The following WDR7 variants were observed in gnomAD, a reference collection of about 807,000 sequenced individuals.
WDR7 encodes the protein WD repeat-containing protein 7.
Under a neutral mutation model 169.4 loss-of-function variants are expected in WDR7, and 46 were observed. The observed-to-expected ratio is 0.27, with a 90% confidence interval of 0.21 to 0.35. The LOEUF is 0.35. Ranked by LOEUF, WDR7 falls within the 10% of genes least tolerant of loss-of-function variation. The probability of loss-of-function intolerance (pLI) is 1.00; values close to 1 mark genes in which losing one functional copy is unlikely to be tolerated. For missense variants in WDR7, 1,534 were observed against 1,859.3 expected, an observed-to-expected ratio of 0.83 and a Z score of 3.22; for synonymous variants, 612 against 666.8, an observed-to-expected ratio of 0.92 and a Z score of 1.27.
At chr18:56,950,809 A>T (rs930135509) in intron 25 of WDR7, among the ~76,000 whole-genome samples, 1 of 152,022 alleles carries the variant, frequency 6.6e-6, no homozygotes, top group African/African-American at 2.4e-5. Context: ...CCAGAAGGGG[A>T]CCTCCTTAAG....
intron 14 of WDR7, among the ~76,000 whole-genome samples, chr18:56,748,727 T>C (rs1303165684): frequency 6.6e-6 from 1 of 152,128 alleles, no homozygotes; most frequent in African/African-American, 2.4e-5. Context: ...CCATGAAGTC[T>C]TATCCTGTCT....
At chr18:56,955,825 A>C (rs529170458) in intron 25 of WDR7, among the ~76,000 whole-genome samples, 5 of 152,286 alleles carry the variant, frequency 3.3e-5, no homozygotes, top group Admixed American at 3.3e-4. Context: ...CCTGTTCCAT[A>C]TCAGGACACT....
Position 56,991,177 on chromosome 18 carries a change from C to T in WDR7, c.4164+28648C>T, listed in dbSNP as rs985361948. Among the ~76,000 whole-genome samples, 13 of 129,724 alleles carry T rather than the reference C, an allele frequency of 1.0e-4. No homozygotes were observed. The East Asian group carries it at 1.3e-3, about 13-fold the overall frequency. The allele number at this position is 129,724 out of a possible 152,430, so 85.1% of individuals were successfully genotyped here. A position where few individuals can be genotyped will look rare whatever the true frequency, so the allele number is the denominator to read the frequency against. On this transcript the variant is annotated intron_variant, in intron 26 of 27. Transcript: ENST00000254442. The stretch of plus-strand genomic sequence containing the variant: ...TTTTTTTTTTTTTGAGACGGAGTCT[C>T]GCTCTGTCGCCCAGGCTGGAGTGAA...
intron 22 of WDR7, among the ~76,000 whole-genome samples, chr18:56,925,741 C>T (rs917281956): frequency 6.6e-6 from 1 of 152,110 alleles, no homozygotes; most frequent in African/African-American, 2.4e-5. Context: ...TTGGGCATTG[C>T]CAGCGTAAAG....
intron 11 of WDR7, among the ~76,000 whole-genome samples, chr18:56,695,638 A>G (rs1457408460): frequency 6.6e-6 from 1 of 151,840 alleles, no homozygotes; most frequent in African/African-American, 2.4e-5. Flanking sequence ...CCTGAGTTCA[A>G]GCAGTTCTCC....
At chr18:56,725,869 A>C (rs1009421846) in intron 13 of WDR7, among the ~76,000 whole-genome samples, 4 of 152,192 alleles carry the variant, frequency 2.6e-5, no homozygotes, top group East Asian at 1.9e-4. Context: ...AGCTTTCTAC[A>C]TATGGCTAGC....
chr18:56,830,065 G>A (rs547071387), intron 20 of WDR7, among the ~76,000 whole-genome samples: 15 of 152,274 alleles, frequency 9.9e-5, no homozygotes, highest in Admixed American at 2.6e-4. Context: ...CACATATACC[G>A]GAAGTCTGCA....
chr18:56,865,456 C>T (rs1247409208), intron 20 of WDR7, among the ~76,000 whole-genome samples: 1 of 152,090 alleles, frequency 6.6e-6, no homozygotes, highest in African/African-American at 2.4e-5. Context: ...TTTGATATTA[C>T]ACAGTAAACT....
chr18:56,658,758 A>C (rs992835253), intron 1 of WDR7, among the ~76,000 whole-genome samples: 17 of 151,936 alleles, frequency 1.1e-4, no homozygotes, highest in African/African-American at 4.1e-4. Context: ...TGTTGCTCAG[A>C]CTGGAGTGCA....
chr18:56,854,682 A>G (rs1445633996), intron 20 of WDR7, among the ~76,000 whole-genome samples: 2 of 152,148 alleles, frequency 1.3e-5, no homozygotes, highest in Non-Finnish European at 2.9e-5. Context: ...TTTTCCTCCC[A>G]GGTATAGGGT....
At chr18:56,757,902 G>A (rs891743052) in intron 15 of WDR7, among the ~76,000 whole-genome samples, 23 of 151,854 alleles carry the variant, frequency 1.5e-4, no homozygotes, top group East Asian at 1.4e-3. Context: ...CTGGAAGTTC[G>A]TGGCTGCAGT....
At chr18:56,979,378 T>G in intron 26 of WDR7, among the ~76,000 whole-genome samples, 1 of 152,144 alleles carries the variant, frequency 6.6e-6, no homozygotes, top group East Asian at 1.9e-4. Flanking sequence ...AGCCAGAATT[T>G]TAAGTCCCTA....
At chr18:56,811,971 GA>G in intron 19 of WDR7, among the ~76,000 whole-genome samples, 1 of 152,028 alleles carries the variant, frequency 6.6e-6, no homozygotes, top group East Asian at 1.9e-4. Flanking sequence ...TATAATTTTA[GA>G]ATACTTTTGT....
At chr18:56,671,718 C>T (rs1323312930) in intron 1 of WDR7, among the ~76,000 whole-genome samples, 2 of 152,300 alleles carry the variant, frequency 1.3e-5, no homozygotes, top group African/African-American at 4.8e-5. Context: ...AGTCAGGCTG[C>T]CTGGGTTCTG....
intron 16 of WDR7, among the ~76,000 whole-genome samples, chr18:56,764,041 A>G (rs1480662855): frequency 6.6e-6 from 1 of 150,806 alleles, no homozygotes; most frequent in East Asian, 2.0e-4. Flanking sequence ...TTTCTATTTC[A>G]CTGGTTTTTG....
intron 1 of WDR7, among the ~76,000 whole-genome samples, chr18:56,653,795 C>G (rs2024708300): frequency 6.6e-6 from 1 of 152,066 alleles, no homozygotes; most frequent in Non-Finnish European, 1.5e-5. Flanking sequence ...TTGTAGATAC[C>G]CATGTTATTT....
intron 19 of WDR7, among the ~76,000 whole-genome samples, chr18:56,794,740 A>G (rs937420598): frequency 6.6e-6 from 1 of 152,156 alleles, no homozygotes; most frequent in African/African-American, 2.4e-5. Flanking sequence ...ATTTTTTCAA[A>G]GTTTGTTTAT....
chr18:56,820,359 A>AAAAAAAAAAAAAAAAAAAC (rs1044771844), intron 20 of WDR7, among the ~76,000 whole-genome samples: 40 of 127,502 alleles, frequency 3.1e-4, no homozygotes, highest in African/African-American at 8.4e-4. Flanking sequence ...AAAAAAAAAA[A>AAAAAAAAAAAAAAAAAAAC]AAAAACCACC....
At chr18:56,990,406 C>T (rs757859326) in intron 26 of WDR7, among the ~76,000 whole-genome samples, 1 of 152,182 alleles carries the variant, frequency 6.6e-6, no homozygotes, top group African/African-American at 2.4e-5. Flanking sequence ...CCTCACTCCA[C>T]CTTTACGTTT....
Sources: gnomAD v4.1 joint callset for allele counts (sites outside exome capture counted in the v4.1 genomes callset) on GRCh38, gnomAD v4.1.1 for gene constraint, MANE v1.5 for transcripts, NCBI Gene and HGNC (gene_info 2026-07-23, HGNC 2026-07-21) for gene names.